The following ENTREP2 variants were observed in gnomAD, a reference collection of about 807,000 sequenced individuals.
ENTREP2 encodes the protein protein ENTREP2.
At chr15:29,273,199 C>CT in the ENTREP2 span, among the ~76,000 whole-genome samples, 1,918 of 133,804 alleles carry the variant, frequency 0.014, 63 homozygotes, top group East Asian at 0.048. Context: ...ATAAATTAAA[C>CT]TTTTTTTTTT....
chr15:29,590,667 G>C, the ENTREP2 span, among the ~76,000 whole-genome samples: 3 of 109,820 alleles, frequency 2.7e-5, no homozygotes, highest in African/African-American at 1.0e-4. Context: ...CTGGGCGACA[G>C]AGCAAGACTC....
At chr15:29,549,705 T>C in the ENTREP2 span, among the ~76,000 whole-genome samples, 1 of 152,220 alleles carries the variant, frequency 6.6e-6, no homozygotes, top group Non-Finnish European at 1.5e-5. Flanking sequence ...AGTTCATCCC[T>C]GGACTCCTCA....
At chr15:29,330,989 T>C in the ENTREP2 span, among the ~76,000 whole-genome samples, 22 of 152,184 alleles carry the variant, frequency 1.4e-4, no homozygotes, top group African/African-American at 5.3e-4. Context: ...CAGCTGCTGG[T>C]TGCTGCAGAA....
chr15:29,309,044 G>A, the ENTREP2 span, among the ~76,000 whole-genome samples: 2 of 152,134 alleles, frequency 1.3e-5, no homozygotes, highest in African/African-American at 4.8e-5. Context: ...ATTTCCTTAT[G>A]AGGGCTCCTG....
At chr15:29,407,644 C>T in the ENTREP2 span, among the ~76,000 whole-genome samples, 1 of 151,934 alleles carries the variant, frequency 6.6e-6, no homozygotes, top group Admixed American at 6.6e-5. Flanking sequence ...GGACATATCT[C>T]AGCAAACCAG....
At chr15:29,132,763 C>T in the ENTREP2 span, among the ~76,000 whole-genome samples, 1 of 152,218 alleles carries the variant, frequency 6.6e-6, no homozygotes, top group African/African-American at 2.4e-5. Context: ...AATGGCACAC[C>T]CAGGTCCAGA....
At chr15:29,330,654 G>A in the ENTREP2 span, among the ~76,000 whole-genome samples, 3 of 152,152 alleles carry the variant, frequency 2.0e-5, no homozygotes, top group Admixed American at 1.3e-4. Context: ...GCAACATGGC[G>A]ACGAAACGTG....
At chr15:29,359,588 T>G in the ENTREP2 span, among the ~76,000 whole-genome samples, 1 of 152,132 alleles carries the variant, frequency 6.6e-6, no homozygotes, top group African/African-American at 2.4e-5. Flanking sequence ...AATTTTTGTA[T>G]TTTTAGTAGA....
the ENTREP2 span, among the ~76,000 whole-genome samples, chr15:29,295,836 A>T: frequency 2.0e-4 from 31 of 152,300 alleles, no homozygotes; most frequent in African/African-American, 7.2e-4. Context: ...AGAACAGTGG[A>T]TTTAAAACTT....
the ENTREP2 span, among the ~76,000 whole-genome samples, chr15:29,283,162 T>C: frequency 8.5e-5 from 13 of 152,158 alleles, no homozygotes; most frequent in Non-Finnish European, 1.6e-4. Flanking sequence ...ATCTGGGGGC[T>C]CTGGAGCAGA....
the ENTREP2 span, among the ~76,000 whole-genome samples, chr15:29,530,491 C>T: frequency 3.3e-5 from 5 of 152,160 alleles, no homozygotes; most frequent in East Asian, 1.9e-4. Context: ...CTAAGGTGCC[C>T]GGCACTGCAA....
At chr15:29,560,887 C>A in the ENTREP2 span, among the ~76,000 whole-genome samples, 3 of 150,120 alleles carry the variant, frequency 2.0e-5, no homozygotes, top group Admixed American at 2.0e-4. Flanking sequence ...GATCCCTAGG[C>A]CAAATCTGGC....
At chr15:29,471,998 G>T in the ENTREP2 span, among the ~76,000 whole-genome samples, 4 of 152,098 alleles carry the variant, frequency 2.6e-5, no homozygotes, top group Admixed American at 6.5e-5. Flanking sequence ...TGGAGCAGAG[G>T]GTGGAACACA....
At chr15:29,222,001 T>C in the ENTREP2 span, among the ~76,000 whole-genome samples, 18 of 152,180 alleles carry the variant, frequency 1.2e-4, no homozygotes, top group Non-Finnish European at 1.8e-4. Context: ...GTGTGTGTTG[T>C]TGTCAGAGGT....
At chr15:29,275,677 C>G in the ENTREP2 span, among the ~76,000 whole-genome samples, 1 of 152,172 alleles carries the variant, frequency 6.6e-6, no homozygotes, top group African/African-American at 2.4e-5. Flanking sequence ...TTTATTTTGT[C>G]TTTTCGATAG....
the ENTREP2 span, among the ~76,000 whole-genome samples, chr15:29,258,839 C>T: frequency 2.4e-4 from 37 of 152,308 alleles, no homozygotes; most frequent in African/African-American, 8.7e-4. Flanking sequence ...TCATACAGTA[C>T]TCTTCCTTTG....
the ENTREP2 span, among the ~76,000 whole-genome samples, chr15:29,658,199 A>T: frequency 1.3e-5 from 2 of 152,132 alleles, no homozygotes; most frequent in Non-Finnish European, 2.9e-5. Context: ...ATAGTGAGTG[A>T]GTTCTCATGA....
At chr15:29,469,357 G>A in the ENTREP2 span, among the ~76,000 whole-genome samples, 5 of 152,050 alleles carry the variant, frequency 3.3e-5, no homozygotes, top group South Asian at 2.1e-4. Context: ...ACGCCACCAC[G>A]CCCAGCTAAT....
At chr15:29,605,627 A>T in the ENTREP2 span, among the ~76,000 whole-genome samples, 1 of 152,212 alleles carries the variant, frequency 6.6e-6, no homozygotes. Context: ...ACCTGAGGTC[A>T]GGAGTTCAAG....
Sources: allele counts gnomAD v4.1 joint callset (sites outside exome capture counted in the v4.1 genomes callset), GRCh38; gene constraint gnomAD v4.1.1; transcripts MANE v1.5; gene names NCBI Gene and HGNC (gene_info 2026-07-23, HGNC 2026-07-21).